Variants in LGR6 observed in about 807,000 individuals in gnomAD.
The protein encoded by LGR6 is leucine-rich repeat-containing G protein-coupled receptor 6.
In LGR6, 45 loss-of-function variants were observed where a neutral mutation model predicts 69.4. That is an observed-to-expected ratio of 0.65 (90% CI 0.51 to 0.83). The LOEUF is 0.83. Ranked by LOEUF, LGR6 falls within the 40% of genes least tolerant of loss-of-function variation. The pLI is 0.00. For synonymous variants in LGR6, 538 were observed against 555.0 expected (o/e 0.97, Z 0.43); for missense variants, 1,108 against 1,246.7 (o/e 0.89, Z 1.68).
chr1:202,310,429 G>T, intron 16 of LGR6, 72 bp downstream of exon 16: 1 of 1,438,190 alleles, frequency 7.0e-7, no homozygotes, highest in East Asian at 2.3e-5. Context: ...GATGCTTGGG[G>T]GACCTGAGAG....
At chr1:202,235,384 G>A (rs1270216315) in intron 3 of LGR6, among the ~76,000 whole-genome samples, 1 of 152,138 alleles carries the variant, frequency 6.6e-6, no homozygotes, top group Non-Finnish European at 1.5e-5. Context: ...TGAGAATAGT[G>A]CAGATACACT....
At chr1:202,270,086 G>C (rs1285089127) in intron 4 of LGR6, among the ~76,000 whole-genome samples, 1 of 152,094 alleles carries the variant, frequency 6.6e-6, no homozygotes, top group African/African-American at 2.4e-5. Flanking sequence ...TCTGTGGGCT[G>C]TAAGGGCCCC....
chr1:202,227,804 C>T, intron 2 of LGR6, 132 bp from the exon 3 acceptor site: 2 of 670,746 alleles, frequency 3.0e-6, no homozygotes, highest in Non-Finnish European at 5.5e-6. Flanking sequence ...GTATTAAACG[C>T]ATCGTAGATT....
At chr1:202,204,085 G>C (rs1305263281) in intron 1 of LGR6, among the ~76,000 whole-genome samples, 1 of 151,988 alleles carries the variant, frequency 6.6e-6, no homozygotes, top group African/African-American at 2.4e-5. Context: ...GTGTTTCTTT[G>C]CATCAGGAGA....
At chr1:202,282,888 A>G (rs1231994398) in intron 6 of LGR6, among the ~76,000 whole-genome samples, 2 of 152,194 alleles carry the variant, frequency 1.3e-5, no homozygotes, top group African/African-American at 2.4e-5. Flanking sequence ...CATCACACAA[A>G]GCCCAGGGCC....
chr1:202,200,843 G>A (rs545096951), intron 1 of LGR6, among the ~76,000 whole-genome samples: 50 of 152,304 alleles, frequency 3.3e-4, no homozygotes, highest in African/African-American at 8.4e-4. Context: ...GGACATGGTG[G>A]GGGGAGAGCT....
Position 202,272,822 on chromosome 1 carries a change from C to T in LGR6, c.429-3484C>T, listed in dbSNP as rs185560023. Among the ~76,000 whole-genome samples the T allele has an allele frequency of 2.0e-5, 3 of 152,374 alleles. No individual in the cohort carries two copies. The East Asian group carries it at 5.8e-4, about 29-fold the overall frequency. ...AGCAAAGGCCACTTCCAAGTGCCCCCTGAGCTCACAGAATAAGTTTTCCCC... is the reference window on the plus strand; with the variant it reads ...AGCAAAGGCCACTTCCAAGTGCCCCTTGAGCTCACAGAATAAGTTTTCCCC... On this transcript the variant is annotated intron_variant, in intron 4 of 17. Coordinates refer to ENST00000367278, the MANE Select transcript of LGR6 (RefSeq NM_001017403.2).
chr1:202,312,129 C>T (rs982364852), intron 16 of LGR6, among the ~76,000 whole-genome samples: 7 of 152,208 alleles, frequency 4.6e-5, no homozygotes, highest in African/African-American at 1.4e-4. Flanking sequence ...GGCTGCCTGC[C>T]GCCTGTAACG....
intron 1 of LGR6, chr1:202,194,717 G>GGGGGGGGGGGGGGT: frequency 5.3e-6 from 1 of 189,226 alleles, no homozygotes; most frequent in Non-Finnish European, 1.0e-5. Context: ...GGGGGGGCGG[G>GGGGGGGGGGGGGGT]TTTCCTAGAA....
intron 4 of LGR6, among the ~76,000 whole-genome samples, chr1:202,247,843 T>C (rs1216074924): frequency 6.6e-6 from 1 of 152,128 alleles, no homozygotes; most frequent in Non-Finnish European, 1.5e-5. Context: ...AAGAGAAGGC[T>C]CAGGCTGCAG....
intron 1 of LGR6, among the ~76,000 whole-genome samples, chr1:202,216,563 T>C (rs569633027): frequency 2.0e-5 from 3 of 152,332 alleles, no homozygotes; most frequent in East Asian, 3.9e-4. Flanking sequence ...TGAACTTAAA[T>C]ATAGTCACAA....
chr1:202,248,655 G>A (rs1029922851), intron 4 of LGR6, among the ~76,000 whole-genome samples: 12 of 152,184 alleles, frequency 7.9e-5, no homozygotes, highest in East Asian at 1.9e-4. Context: ...CTGCCGTGGC[G>A]TGGCAGTCAC....
intron 4 of LGR6, among the ~76,000 whole-genome samples, chr1:202,254,992 G>C (rs1000519444): frequency 6.6e-6 from 1 of 152,178 alleles, no homozygotes; most frequent in Non-Finnish European, 1.5e-5. Context: ...CAGCGAATTG[G>C]GGGCGCGGGG....
intron 4 of LGR6, among the ~76,000 whole-genome samples, chr1:202,270,387 C>T (rs1474356726): frequency 6.6e-6 from 1 of 152,122 alleles, no homozygotes; most frequent in Non-Finnish European, 1.5e-5. Context: ...GGATTATAGG[C>T]GTGTGCCACC....
At chr1:202,278,488 AG>A (rs1291227186) in intron 5 of LGR6, among the ~76,000 whole-genome samples, 2 of 152,092 alleles carry the variant, frequency 1.3e-5, no homozygotes, top group African/African-American at 4.8e-5. Flanking sequence ...CTGGTGCGGG[AG>A]CAAAGCTGAT....
chr1:202,306,727 G>T (rs939430816), intron 12 of LGR6, 141 bp from the exon 13 acceptor site: 1 of 778,620 alleles, frequency 1.3e-6, no homozygotes, highest in South Asian at 1.5e-5. Context: ...TTTAATTCTG[G>T]TGACTTCCTC....
chr1:202,269,238 C>T (rs1292276567), intron 4 of LGR6, among the ~76,000 whole-genome samples: 1 of 152,074 alleles, frequency 6.6e-6, no homozygotes, highest in South Asian at 2.1e-4. Flanking sequence ...TTTTCATCCC[C>T]ATTATGTAGC....
intron 15 of LGR6, among the ~76,000 whole-genome samples, chr1:202,309,988 G>A (rs1371790785): frequency 6.6e-6 from 1 of 152,170 alleles, no homozygotes; most frequent in African/African-American, 2.4e-5. Flanking sequence ...AGACAGAAAT[G>A]CCTCCAGAGC....
chr1:202,318,454 C>T lies in LGR6; in HGVS notation c.2151C>T (p.Cys717=), dbSNP rs781039779. The change falls in exon 18 of 18, where the codon TGC becomes TGT. Residue 717 remains cysteine, a synonymous_variant. Coordinates refer to ENST00000367278, the MANE Select transcript of LGR6 (RefSeq NM_001017403.2). ...GAGAATACGGGGCCTCCCCACTCTG[C>T]CTGCCCTACGCGCCACCTGAGGGTC... The part of the protein sequence containing the change: ...SVGEYGASPL[C]LPYAPPEGQP... 2.3e-5 allele frequency: 37 copies of T among 1,612,836 alleles called. No homozygotes were observed. Among genetic ancestry groups the T allele is most frequent in the Non-Finnish European group, 3.1e-5 (36 of 1,179,742 alleles).
Sources: gnomAD v4.1 joint callset for allele counts (sites outside exome capture counted in the v4.1 genomes callset) on GRCh38, gnomAD v4.1.1 for gene constraint, MANE v1.5 for transcripts, NCBI Gene and HGNC (gene_info 2026-07-23, HGNC 2026-07-21) for gene names.